ERN1: variants seen among roughly 807,000 people sequenced by gnomAD.
The protein encoded by ERN1 is serine/threonine-protein kinase/endoribonuclease IRE1.
In ERN1, 39 loss-of-function variants were observed where a neutral mutation model predicts 113.1. The ratio of observed to expected loss-of-function variants is 0.34; its 90% CI spans 0.27 to 0.45. The LOEUF is 0.45. ERN1 is among the 20% of genes least tolerant of loss of function. The probability of loss-of-function intolerance (pLI) is 1.00; values close to 1 mark genes in which losing one functional copy is unlikely to be tolerated. For synonymous variants in ERN1, 507 were observed against 515.9 expected (o/e 0.98, Z 0.23); for missense variants, 976 against 1,274.8 (o/e 0.77, Z 3.57).
At chr17:64,095,158 G>T (rs779355889) in intron 2 of ERN1, among the ~76,000 whole-genome samples, 1 of 152,110 alleles carries the variant, frequency 6.6e-6, no homozygotes, top group Non-Finnish European at 1.5e-5. Context: ...AAATTATTAG[G>T]CTGGGCACAG....
At chr17:64,057,109 GCTT>G (rs1007265163) in intron 12 of ERN1, among the ~76,000 whole-genome samples, 4 of 152,168 alleles carry the variant, frequency 2.6e-5, no homozygotes. Flanking sequence ...CTCACAGGCA[GCTT>G]CTTTTTTCTT....
intron 12 of ERN1, 107 bp downstream of exon 12, chr17:64,057,695 G>A (rs1458642739): frequency 2.7e-6 from 3 of 1,102,042 alleles, no homozygotes; most frequent in South Asian, 2.8e-5. Context: ...TTTTAAATGG[G>A]GAAAGAAATG....
intron 1 of ERN1, among the ~76,000 whole-genome samples, chr17:64,124,404 C>G (rs1431750495): frequency 6.6e-6 from 1 of 152,236 alleles, no homozygotes; most frequent in East Asian, 1.9e-4. Context: ...CCACCCAAAT[C>G]TCATCTTGTA....
At chr17:64,053,083 C>T in intron 16 of ERN1, 104 bp from the exon 17 acceptor site, 1 of 1,008,692 alleles carries the variant, frequency 9.9e-7, no homozygotes, top group Non-Finnish European at 1.4e-6. Context: ...CCTGCCGCCA[C>T]CTCCAAATGT....
At chr17:64,067,027 G>A in intron 7 of ERN1, 95 bp from the exon 8 acceptor site, 1 of 1,343,746 alleles carries the variant, frequency 7.4e-7, no homozygotes, top group Non-Finnish European at 1.0e-6. Context: ...CTCAGTTAGA[G>A]GAAACAAGAC....
At chr17:64,116,180 C>T (rs1326465183) in intron 1 of ERN1, among the ~76,000 whole-genome samples, 2 of 152,182 alleles carry the variant, frequency 1.3e-5, no homozygotes, top group Non-Finnish European at 2.9e-5. Flanking sequence ...CACCTACCTA[C>T]TATAGACTCT....
Position 64,049,675 on chromosome 17 carries a change from G to C in ERN1, c.2254-473C>G, listed in dbSNP as rs553396606. On this transcript the variant is annotated intron_variant, in intron 17 of 21. Transcript: ENST00000433197. The surrounding 1 kb of genome is among the most constrained non-coding windows in gnomAD (Gnocchi z 4.7). Reference sequence around the variant, plus strand: ...CAGTAGGTATCAAAATTGCTAATAAGTGAATAAAACAGCTTATGATTCAAA... The same window carrying C: ...CAGTAGGTATCAAAATTGCTAATAACTGAATAAAACAGCTTATGATTCAAA... 8.5e-5 allele frequency among the ~76,000 whole-genome samples: 13 copies of C among 152,112 alleles called. No homozygotes were observed. The highest frequency in any genetic ancestry group is 1.9e-4 in the Non-Finnish European group (13 of 68,018).
At chr17:64,111,333 C>T (rs745693647) in intron 1 of ERN1, among the ~76,000 whole-genome samples, 25 of 151,572 alleles carry the variant, frequency 1.6e-4, no homozygotes, top group Non-Finnish European at 3.2e-4. Context: ...GTCAGGCTTC[C>T]GCCTAGCCTG....
chr17:64,125,329 T>C (rs58642235), intron 1 of ERN1, among the ~76,000 whole-genome samples: 46,834 of 151,994 alleles, frequency 0.31, 13,169 homozygotes, highest in African/African-American at 0.75. Flanking sequence ...GCACCAAACA[T>C]AAAATAATTG....
intron 2 of ERN1, among the ~76,000 whole-genome samples, chr17:64,093,416 T>C (rs1914142492): frequency 6.6e-6 from 1 of 152,202 alleles, no homozygotes; most frequent in South Asian, 2.1e-4. Flanking sequence ...ACAGCACTTG[T>C]TGATCTTGTA....
Position 64,118,699 on chromosome 17 carries a change from C to A in ERN1, c.54+11277G>T, listed in dbSNP as rs531936971. Among the ~76,000 whole-genome samples the A allele has an allele frequency of 1.1e-3, 162 of 152,326 alleles. 1 individual carries two copies. The highest frequency in any genetic ancestry group is 8.2e-3 in the Admixed American group (125 of 15,302). On this transcript the variant is annotated intron_variant, in intron 1 of 21. Transcript: ENST00000433197. ...CAGCTAATAAAGATCCTCTGAGAAA[C>A]AACTGAGATGGGTCCGGGAGCTGAG...
intron 17 of ERN1, 21 bp downstream of exon 17, chr17:64,052,759 G>C: frequency 1.3e-6 from 2 of 1,594,900 alleles, no homozygotes; most frequent in Non-Finnish European, 1.7e-6. Context: ...AGTTTTCAAA[G>C]GGCCATAGCC....
At chr17:64,091,470 T>C (rs1004153992) in intron 2 of ERN1, among the ~76,000 whole-genome samples, 2 of 151,864 alleles carry the variant, frequency 1.3e-5, no homozygotes, top group African/African-American at 4.8e-5. Context: ...AGTAAGGAGG[T>C]AGAAATCCAC....
At chr17:64,090,017 T>C (rs960624038) in intron 2 of ERN1, among the ~76,000 whole-genome samples, 12 of 152,164 alleles carry the variant, frequency 7.9e-5, no homozygotes, top group Non-Finnish European at 2.9e-5. Context: ...GTGGCCCAAT[T>C]AGGGAGTACT....
In ERN1 at chr17:64,130,040, C is replaced by T; in HGVS notation, c.-11G>A. Reference sequence around the variant, plus strand: ...CCGCCGGGCCGGCATGGCGAGGACTCGGCCCTGGCTCCGGGGGCGGTACGG... The same window carrying T: ...CCGCCGGGCCGGCATGGCGAGGACTTGGCCCTGGCTCCGGGGGCGGTACGG... On this transcript the variant is annotated 5_prime_UTR_variant, in exon 1 of 22. Coordinates refer to ENST00000433197, the MANE Select transcript of ERN1 (RefSeq NM_001433.5). The surrounding 1 kb of genome is among the most constrained non-coding windows in gnomAD (Gnocchi z 4.0). The T allele has an allele frequency of 7.1e-7, 1 of 1,411,164 alleles. No individual in the cohort carries two copies. The allele number at this position is 1,411,164 out of a possible 1,614,324, so 87.4% of individuals were successfully genotyped here.
chr17:64,119,863 A>C (rs1158493142), intron 1 of ERN1, among the ~76,000 whole-genome samples: 1 of 152,002 alleles, frequency 6.6e-6, no homozygotes, highest in Admixed American at 6.6e-5. Flanking sequence ...AAGGTACAAA[A>C]ATTACTTGAA....
intron 19 of ERN1, among the ~76,000 whole-genome samples, chr17:64,046,742 A>C (rs1265499970): frequency 6.6e-6 from 1 of 152,202 alleles, no homozygotes; most frequent in Non-Finnish European, 1.5e-5. Flanking sequence ...CCAGGAGAGC[A>C]TGATGGTCAC....
intron 4 of ERN1, among the ~76,000 whole-genome samples, chr17:64,076,427 T>C (rs1469642650): frequency 1.3e-5 from 2 of 152,234 alleles, no homozygotes; most frequent in South Asian, 2.1e-4. Flanking sequence ...GGTTTTGCCA[T>C]GTGTTTCTGA....
chr17:64,067,420 G>A (rs900840615), intron 7 of ERN1, among the ~76,000 whole-genome samples: 31 of 95,476 alleles, frequency 3.2e-4, no homozygotes, highest in African/African-American at 4.7e-4. Context: ...TGAGACCCCC[G>A]TCTCTACAAA....
Sources: gnomAD v4.1 joint callset for allele counts (sites outside exome capture counted in the v4.1 genomes callset) on GRCh38, gnomAD v4.1.1 for gene constraint, Gnocchi (gnomAD v3.1) non-coding constraint, MANE v1.5 for transcripts, NCBI Gene and HGNC (gene_info 2026-07-23, HGNC 2026-07-21) for gene names.